Variants in PTCHD4 observed in about 807,000 individuals in gnomAD.
PTCHD4 encodes patched domain-containing protein 4.
Under a neutral mutation model 58.1 loss-of-function variants are expected in PTCHD4, and 33 were observed. The observed-to-expected ratio is 0.57, with a 90% confidence interval of 0.43 to 0.76. PTCHD4 has a LOEUF of 0.76. PTCHD4 is among the 30% of genes least tolerant of loss of function. The pLI is 0.00. For missense variants in PTCHD4, 1,058 were observed against 1,027.1 expected, an observed-to-expected ratio of 1.03 and a Z score of -0.41; for synonymous variants, 478 against 409.6, an observed-to-expected ratio of 1.17 and a Z score of -2.02.
At chr6:47,934,614 CT>C (rs1171940421) in intron 4 of PTCHD4, among the ~76,000 whole-genome samples, 1 of 151,976 alleles carries the variant, frequency 6.6e-6, no homozygotes. Context: ...TTTCAAAATT[CT>C]TTCTTATTAA....
At chr6:47,930,531 C>A (rs954591750) in intron 4 of PTCHD4, among the ~76,000 whole-genome samples, 1 of 152,020 alleles carries the variant, frequency 6.6e-6, no homozygotes, top group East Asian at 1.9e-4. Flanking sequence ...CCAAGACACA[C>A]ATTAAAGAAA....
chr6:48,056,447 A>G (rs1453954912), intron 3 of PTCHD4, among the ~76,000 whole-genome samples: 1 of 152,112 alleles, frequency 6.6e-6, no homozygotes, highest in Non-Finnish European at 1.5e-5. Context: ...TGTGCCTGTC[A>G]TTTATTTTCA....
At chr6:47,984,358 G>A (rs1275680446) in intron 4 of PTCHD4, among the ~76,000 whole-genome samples, 1 of 152,094 alleles carries the variant, frequency 6.6e-6, no homozygotes, top group African/African-American at 2.4e-5. Context: ...ACAGGAGAGA[G>A]GAGAGCAAGC....
intron 4 of PTCHD4, among the ~76,000 whole-genome samples, chr6:47,919,247 A>G (rs149232794): frequency 1.1e-4 from 17 of 152,336 alleles, no homozygotes; most frequent in Non-Finnish European, 2.1e-4. Flanking sequence ...AGCCTGTGAT[A>G]TATCAGTCAC....
intron 4 of PTCHD4, among the ~76,000 whole-genome samples, chr6:47,979,010 T>TA (rs998399327): frequency 3.9e-5 from 6 of 152,050 alleles, no homozygotes; most frequent in Non-Finnish European, 7.4e-5. Flanking sequence ...TTCATAGACA[T>TA]AAAAAAAACT....
rs1011338323 is a variant in PTCHD4, at chr6:47,876,024, A to G, written c.*2279T>C. 1.3e-5 allele frequency among the ~76,000 whole-genome samples: 2 copies of G among 151,726 alleles called. No individual in the cohort carries two copies. The highest frequency in any genetic ancestry group is 2.9e-5 in the Non-Finnish European group (2 of 67,834). ...AAAATCTTCCATATCAAATCTTTACAAATGATGGGTAATCTGTAAGAGGAA... is the reference window on the plus strand; with the variant it reads ...AAAATCTTCCATATCAAATCTTTACGAATGATGGGTAATCTGTAAGAGGAA... On this transcript the variant is annotated 3_prime_UTR_variant, in exon 5 of 5. Coordinates refer to ENST00000339488, the MANE Select transcript of PTCHD4 (RefSeq NM_001384253.1).
In PTCHD4 at chr6:47,879,818, C is replaced by A; in HGVS notation, c.1017G>T (p.Met339Ile). 6.2e-7 allele frequency: 1 copy of A among 1,613,442 alleles called. No homozygotes were observed. The highest frequency in any genetic ancestry group is 1.1e-5 in the South Asian group (1 of 90,988). ...AAGTGATGAAGTACAGGGAGCTGGT[C>A]ATGGTATAGGTGACCATCACATCAG... ...AYSDVMVTYTMTSSLYFITFG... is the reference protein window; with the variant it reads ...AYSDVMVTYTITSSLYFITFG... The change falls in exon 5 of 5, where the codon ATG becomes ATT. Residue 339 changes from methionine to isoleucine, a missense_variant. Physicochemically the swap from Met to Ile is conservative, Grantham distance 10. Transcript: ENST00000339488.
At chr6:47,988,582 T>C (rs916988993) in intron 4 of PTCHD4, among the ~76,000 whole-genome samples, 2 of 152,112 alleles carry the variant, frequency 1.3e-5, no homozygotes, top group Non-Finnish European at 2.9e-5. Flanking sequence ...CCATGGGAGA[T>C]CATATGAGTC....
At position 48,075,726 on chromosome 6, in the gene PTCHD4, A is replaced by G. The variant is rs561590319; in HGVS notation, c.-969-5800T>C. Among the ~76,000 whole-genome samples the G allele has an allele frequency of 1.3e-4, 20 of 152,358 alleles. No homozygotes were observed. In the South Asian group the frequency reaches 3.9e-3, roughly 30 times the overall value. ...GCCTGTTAGTTGTCAATAGCATTAC[A>G]TCTAAAAATGTACATAGCTTAATTA... On this transcript the variant is annotated intron_variant, in intron 1 of 4. Transcript: ENST00000339488.
chr6:47,943,285 T>C (rs1349234113), intron 4 of PTCHD4, among the ~76,000 whole-genome samples: 1 of 152,210 alleles, frequency 6.6e-6, no homozygotes, highest in African/African-American at 2.4e-5. Context: ...GTTTTTAAAA[T>C]GCTTTGATGA....
chr6:48,046,080 A>T (rs1428264794), intron 3 of PTCHD4, among the ~76,000 whole-genome samples: 1 of 151,876 alleles, frequency 6.6e-6, no homozygotes. Flanking sequence ...AAAATTGGAG[A>T]GTAAATACCA....
intron 4 of PTCHD4, among the ~76,000 whole-genome samples, chr6:47,907,728 C>A (rs947423649): frequency 2.0e-5 from 3 of 152,130 alleles, no homozygotes; most frequent in Non-Finnish European, 4.4e-5. Flanking sequence ...ATGAAAAAAA[C>A]CATGCCTACC....
chr6:48,087,575 G>A (rs187451328), intron 1 of PTCHD4, among the ~76,000 whole-genome samples: 2 of 152,300 alleles, frequency 1.3e-5, no homozygotes, highest in African/African-American at 4.8e-5. Context: ...TAGGTGGGCA[G>A]TAATCATTGT....
chr6:48,091,279 A>T (rs1045667249), intron 1 of PTCHD4, among the ~76,000 whole-genome samples: 16 of 152,012 alleles, frequency 1.1e-4, no homozygotes, highest in Admixed American at 5.9e-4. Flanking sequence ...ATAATAATAA[A>T]AAATAATAAT....
In PTCHD4 at chr6:47,879,084, T is replaced by C. The variant is rs370904351; in HGVS notation, c.1751A>G (p.His584Arg). 1.4e-5 allele frequency: 23 copies of C among 1,613,190 alleles called. No individual in the cohort carries two copies. The highest frequency in any genetic ancestry group is 1.6e-4 in the Middle Eastern group (1 of 6,076). ...GGAGAAGATGATATCATTTCGAAAATGCTGGAATTCTGGCTTTTTTAAAAA... is the reference window on the plus strand; with the variant it reads ...GGAGAAGATGATATCATTTCGAAAACGCTGGAATTCTGGCTTTTTTAAAAA... Reference protein sequence around the residue: ...SSFLKKPEFQHFRNDIIFSKA... With the variant: ...SSFLKKPEFQRFRNDIIFSKA... The change falls in exon 5 of 5, where the codon CAT becomes CGT. Residue 584 changes from histidine (H) to arginine (R), a missense_variant. Physicochemically the swap from His to Arg is conservative, Grantham distance 29. Transcript: ENST00000339488.
chr6:48,058,491 T>C (rs1764497073), intron 3 of PTCHD4, among the ~76,000 whole-genome samples: 1 of 152,168 alleles, frequency 6.6e-6, no homozygotes, highest in African/African-American at 2.4e-5. Context: ...TTGAAAAAGT[T>C]ACAGATGTGG....
At chr6:47,961,791 A>G (rs1016830922) in intron 4 of PTCHD4, among the ~76,000 whole-genome samples, 1 of 152,198 alleles carries the variant, frequency 6.6e-6, no homozygotes, top group African/African-American at 2.4e-5. Context: ...AATTTACTGC[A>G]CTAAACACCT....
At chr6:47,918,024 A>T (rs1355343649) in intron 4 of PTCHD4, among the ~76,000 whole-genome samples, 1 of 152,092 alleles carries the variant, frequency 6.6e-6, no homozygotes, top group Admixed American at 6.5e-5. Flanking sequence ...GAGGGGAAAA[A>T]TCAGCAGAGG....
At chr6:48,028,979 G>A (rs1323282273) in intron 3 of PTCHD4, among the ~76,000 whole-genome samples, 1 of 152,012 alleles carries the variant, frequency 6.6e-6, no homozygotes, top group East Asian at 1.9e-4. Context: ...GGGAAGCACT[G>A]TCAAATAAGA....
Sources: gnomAD v4.1 joint callset for allele counts (sites outside exome capture counted in the v4.1 genomes callset) on GRCh38, gnomAD v4.1.1 for gene constraint, MANE v1.5 for transcripts, NCBI Gene and HGNC (gene_info 2026-07-23, HGNC 2026-07-21) for gene names.